PRKCI: variants seen among roughly 807,000 people sequenced by gnomAD.
The protein encoded by PRKCI is protein kinase C iota, also known as protein kinase C iota type.
Under a neutral mutation model 84.0 loss-of-function variants are expected in PRKCI, and 43 were observed. The ratio of observed to expected loss-of-function variants is 0.51; its 90% confidence interval spans 0.40 to 0.66. The LOEUF (loss-of-function observed/expected upper bound fraction) is 0.66, where lower values mean the gene tolerates loss of function less well. Ranked by LOEUF, PRKCI falls within the 30% of genes least tolerant of loss-of-function variation. PRKCI has a pLI of 0.00. For synonymous variants in PRKCI, 216 were observed against 234.4 expected, an observed-to-expected ratio of 0.92 and a Z score of 0.72; for missense variants, 459 against 745.6, an observed-to-expected ratio of 0.62 and a Z score of 4.48.
At chr3:170,256,664 C>T (rs543559525) in intron 2 of PRKCI, among the ~76,000 whole-genome samples, 1 of 152,084 alleles carries the variant, frequency 6.6e-6, no homozygotes, top group East Asian at 1.9e-4. Flanking sequence ...CAATTTCATT[C>T]ATTTCTGCCC....
chr3:170,257,951 A>G (rs1226620867), intron 2 of PRKCI, among the ~76,000 whole-genome samples: 1 of 152,102 alleles, frequency 6.6e-6, no homozygotes, highest in African/African-American at 2.4e-5. Flanking sequence ...GGTGTGAGCC[A>G]CTGCACCTGG....
At chr3:170,245,953 T>TTTTTGTTTGTTTGTTTG (rs1214926723) in intron 2 of PRKCI, among the ~76,000 whole-genome samples, 2 of 119,928 alleles carry the variant, frequency 1.7e-5, no homozygotes, top group East Asian at 2.9e-4. Flanking sequence ...GTCTTTGTTT[T>TTTTTGTTTGTTTGTTTG]TTTTTTTTTT....
intron 4 of PRKCI, among the ~76,000 whole-genome samples, chr3:170,265,180 C>G (rs1290076112): frequency 6.7e-6 from 1 of 149,954 alleles, no homozygotes; most frequent in Non-Finnish European, 1.5e-5. Flanking sequence ...CAGAGCGAGA[C>G]TCTGTCTCAA....
At chr3:170,298,021 C>T (rs1028673022) in intron 16 of PRKCI, among the ~76,000 whole-genome samples, 4 of 151,536 alleles carry the variant, frequency 2.6e-5, no homozygotes, top group East Asian at 3.9e-4. Context: ...TACAGGCACA[C>T]GCCACCACGC....
At position 170,297,452 on chromosome 3, in the gene PRKCI, T is replaced by G. The variant is rs563100807; in HGVS notation, c.1587+59T>G. 1,908 of 1,379,026 alleles carry G rather than the reference T, an allele frequency of 1.4e-3. 3 individuals are homozygous for G. The highest frequency in any genetic ancestry group is 1.7e-3 in the Non-Finnish European group (1,716 of 986,270). 85.4% of individuals were successfully genotyped at this position (1,379,026 alleles called of 1,614,324 possible). A position where few individuals can be genotyped will look rare whatever the true frequency, so the allele number is the denominator to read the frequency against. ...TCATTATTATCTTGGGCCAATTTTT[T>G]GTTGTTGTTCTGTTTGTTTTTAGAC... On this transcript the variant is annotated intron_variant, in intron 16 of 17. Coordinates refer to ENST00000295797, the MANE Select transcript of PRKCI (RefSeq NM_002740.6).
At chr3:170,239,899 G>A (rs1413851729) in intron 2 of PRKCI, among the ~76,000 whole-genome samples, 1 of 152,086 alleles carries the variant, frequency 6.6e-6, no homozygotes. Context: ...TGTAATCCCA[G>A]CATTTTGGGA....
intron 11 of PRKCI, among the ~76,000 whole-genome samples, chr3:170,283,079 T>C (rs1348074522): frequency 6.7e-6 from 1 of 149,896 alleles, no homozygotes; most frequent in East Asian, 2.0e-4. Context: ...CACTCCAGCC[T>C]GGGTGAAAGA....
chr3:170,299,022 T>G lies in PRKCI; in HGVS notation c.1615T>G (p.Phe539Val). The G allele has an allele frequency of 6.8e-6, 11 of 1,613,186 alleles. No individual in the cohort carries two copies. The highest frequency in any genetic ancestry group is 9.3e-6 in the Non-Finnish European group (11 of 1,179,718). The change falls in exon 17 of 18, where the codon TTT becomes GTT. Residue 539 changes from phenylalanine to valine, a missense_variant. By Grantham distance (50) the Phe-to-Val change is conservative (BLOSUM62 -1). This residue lies in a region of PRKCI where 209 missense variants were observed against 425.9 expected (regional missense o/e 0.49). Transcript: ENST00000295797. Reference protein sequence around the residue: ...MMEQKQVVPPFKPNISGEFGL... With the variant: ...MMEQKQVVPPVKPNISGEFGL... ...GGAGCAAAAACAGGTGGTACCTCCC[T>G]TTAAACCAAATATTTCTGGGGAATT...
rs542983899 is a variant in PRKCI at position 170,268,878 on chromosome 3, C to CTGT, written c.450+879_450+881dup. Among the ~76,000 whole-genome samples the CTGT allele has an allele frequency of 3.3e-5, 5 of 152,238 alleles. No homozygotes were observed. The South Asian group carries it at 1.0e-3, about 32-fold the overall frequency. On this transcript the variant is annotated intron_variant, in intron 5 of 17. Transcript: ENST00000295797. Reference sequence around the variant, plus strand: ...AGAACCAAAGTTTGAAAGCAGCAGTCTGTCTTCAGAAGTCAGTTATTCATT... The same window carrying CTGT: ...AGAACCAAAGTTTGAAAGCAGCAGTCTGTTGTCTTCAGAAGTCAGTTATTCATT...
intron 11 of PRKCI, 55 bp downstream of exon 11, chr3:170,282,023 T>C: frequency 1.3e-6 from 2 of 1,573,906 alleles, no homozygotes; most frequent in Non-Finnish European, 8.7e-7. Context: ...TGTGGCTTTT[T>C]ATGTGCAGTG....
At chr3:170,264,921 C>T (rs891958463) in intron 4 of PRKCI, among the ~76,000 whole-genome samples, 41 of 151,996 alleles carry the variant, frequency 2.7e-4, no homozygotes, top group African/African-American at 9.2e-4. Flanking sequence ...TGCAGTGGCT[C>T]ATGCCTGTAA....
At chr3:170,299,923 C>CT (rs1202810130) in intron 17 of PRKCI, among the ~76,000 whole-genome samples, 1 of 152,054 alleles carries the variant, frequency 6.6e-6, no homozygotes, top group African/African-American at 2.4e-5. Flanking sequence ...TGCCAAATTG[C>CT]TTTTTTTAAG....
At chr3:170,275,934 C>CTT (rs746440889) in intron 8 of PRKCI, among the ~76,000 whole-genome samples, 17 of 132,252 alleles carry the variant, frequency 1.3e-4, no homozygotes, top group East Asian at 2.2e-4. Context: ...CCGTATCATT[C>CTT]TTTTTTTTTT....
chr3:170,299,723 A>C (rs1252975034), intron 17 of PRKCI, among the ~76,000 whole-genome samples: 1 of 152,254 alleles, frequency 6.6e-6, no homozygotes, highest in Admixed American at 6.5e-5. Flanking sequence ...AAGCAAAGTT[A>C]CACAGCTATC....
At chr3:170,245,185 G>A (rs1733241860) in intron 2 of PRKCI, among the ~76,000 whole-genome samples, 1 of 152,108 alleles carries the variant, frequency 6.6e-6, no homozygotes, top group African/African-American at 2.4e-5. Flanking sequence ...TGAGGTATTG[G>A]TTACTGAGTC....
At chr3:170,246,647 T>A (rs534271763) in intron 2 of PRKCI, among the ~76,000 whole-genome samples, 9 of 152,182 alleles carry the variant, frequency 5.9e-5, no homozygotes, top group East Asian at 3.9e-4. Context: ...CCTTTAAAAA[T>A]TTTTTTATTG....
Position 170,263,322 on chromosome 3 carries a change from G to A in PRKCI, c.314-57G>A, listed in dbSNP as rs7627533. 9.3e-3 allele frequency: 13,128 copies of A among 1,417,814 alleles called. 997 individuals are homozygous for A. The African/African-American group carries it at 0.17, about 18-fold the overall frequency. 87.8% of individuals were successfully genotyped at this position (1,417,814 alleles called of 1,614,324 possible). A position where few individuals can be genotyped will look rare whatever the true frequency, so the allele number is the denominator to read the frequency against. On this transcript the variant is annotated intron_variant, in intron 3 of 17. Coordinates refer to ENST00000295797, the MANE Select transcript of PRKCI (RefSeq NM_002740.6). ...CTTTTACATTTGAATTTTAAATTCT[G>A]TGTAATTTGTATGTTTTAAATATGC...
intron 12 of PRKCI, 27 bp from the exon 13 acceptor site, chr3:170,291,827 C>A: frequency 6.5e-7 from 1 of 1,545,742 alleles, no homozygotes; most frequent in Non-Finnish European, 8.9e-7. Context: ...TTATCTCATT[C>A]TTTCTTTCTG....
intron 2 of PRKCI, among the ~76,000 whole-genome samples, chr3:170,254,401 T>G (rs987519182): frequency 6.6e-6 from 1 of 152,218 alleles, no homozygotes; most frequent in African/African-American, 2.4e-5. Flanking sequence ...ATGGAGAGTT[T>G]CCACAGTTTT....
Sources: allele counts gnomAD v4.1 joint callset (sites outside exome capture counted in the v4.1 genomes callset), GRCh38; gene constraint gnomAD v4.1.1; regional missense constraint gnomAD v4.1.1; transcripts MANE v1.5; gene names NCBI Gene and HGNC (gene_info 2026-07-23, HGNC 2026-07-21).